Variants in SCN11A observed in about 807,000 individuals in gnomAD.
SCN11A encodes the protein sodium voltage-gated channel alpha subunit 11.
Under a neutral mutation model 162.2 loss-of-function variants are expected in SCN11A, and 122 were observed. The observed-to-expected ratio is 0.75, with a 90% confidence interval of 0.65 to 0.87. SCN11A has a LOEUF of 0.87. Among genes scored for constraint, SCN11A ranks in the 40% least tolerant of loss-of-function variants. The pLI is 0.00. For missense variants in SCN11A, 2,015 were observed against 2,181.6 expected, an observed-to-expected ratio of 0.92 and a Z score of 1.52; for synonymous variants, 758 against 751.5, an observed-to-expected ratio of 1.01 and a Z score of -0.14.
chr3:38,977,899 C>T (rs912824902), intron 2 of SCN11A, among the ~76,000 whole-genome samples: 1 of 152,202 alleles, frequency 6.6e-6, no homozygotes, highest in Non-Finnish European at 1.5e-5. Context: ...CATCATCTCT[C>T]ACCAGGAATA....
chr3:39,007,268 AT>A (rs1055719115), intron 2 of SCN11A, among the ~76,000 whole-genome samples: 56 of 152,304 alleles, frequency 3.7e-4, no homozygotes, highest in African/African-American at 1.3e-3. Context: ...AGAAATGTCC[AT>A]TTTATCTTCA....
chr3:38,924,378 A>T (rs922020401), intron 9 of SCN11A, among the ~76,000 whole-genome samples: 4 of 145,488 alleles, frequency 2.7e-5, no homozygotes, highest in Non-Finnish European at 4.6e-5. Flanking sequence ...CATCTAACTA[A>T]TTTTTTTTTT....
chr3:39,017,507 T>C (rs2031326347), intron 2 of SCN11A, among the ~76,000 whole-genome samples: 1 of 152,166 alleles, frequency 6.6e-6, no homozygotes, highest in Non-Finnish European at 1.5e-5. Flanking sequence ...TAGAGTTGTT[T>C]TCTTTATGTT....
intron 28 of SCN11A, among the ~76,000 whole-genome samples, chr3:38,852,795 A>G (rs566935966): frequency 6.6e-6 from 1 of 152,368 alleles, no homozygotes; most frequent in African/African-American, 2.4e-5. Flanking sequence ...TCAATGGCTA[A>G]CTGTTGATTT....
Position 38,889,748 on chromosome 3 carries a change from G to A in SCN11A, c.2836-3510C>T, listed in dbSNP as rs770869674. Among the ~76,000 whole-genome samples, 21 of 148,782 alleles carry A rather than the reference G, an allele frequency of 1.4e-4. 1 individual carries two copies. The highest frequency in any genetic ancestry group is 2.5e-4 in the Non-Finnish European group (17 of 67,334). On this transcript the variant is annotated intron_variant, in intron 19 of 29. Coordinates refer to ENST00000302328, the MANE Select transcript of SCN11A (RefSeq NM_001349253.2). ...CCGGGAGCCAGAGCTTGCAGTGAGC[G>A]GAGATCATGCCACTGCACTCCAGCC...
chr3:38,872,416 T>C (rs1575228618), intron 23 of SCN11A, 122 bp from the exon 24 acceptor site: 2 of 619,626 alleles, frequency 3.2e-6, no homozygotes, highest in East Asian at 5.6e-5. Flanking sequence ...TCACGTTATT[T>C]GTTTAGTGAA....
Position 39,024,702 on chromosome 3 carries a change from T to C in SCN11A, c.-280+7678A>G, listed in dbSNP as rs1382136576. On this transcript the variant is annotated intron_variant, in intron 2 of 29. Coordinates refer to ENST00000302328, the MANE Select transcript of SCN11A (RefSeq NM_001349253.2). ...CTTGTTTGACTGTAAGTCATAAGAC[T>C]CCCATTTCAGAAAGGGTCCTGCCCC... is the stretch of plus-strand genomic sequence containing the variant. 2.0e-5 allele frequency among the ~76,000 whole-genome samples: 3 copies of C among 152,288 alleles called. No homozygotes were observed. The South Asian group carries it at 6.2e-4, about 32-fold the overall frequency.
rs1553644473 is a variant in SCN11A at position 38,950,078 on chromosome 3, C to CGCCG, written c.267+17_267+18insCGGC. On this transcript the variant is annotated intron_variant, in intron 5 of 29. Coordinates refer to ENST00000302328, the MANE Select transcript of SCN11A (RefSeq NM_001349253.2). ...GAACACCCCCACCCCCACCCCCCCC[C>CGCCG]CCCGCCCAATGAAGTACCTTATGAT... 1.4e-5 allele frequency: 2 copies of CGCCG among 140,070 alleles called. No homozygotes were observed. The highest frequency in any genetic ancestry group is 2.2e-4 in the East Asian group (1 of 4,608). 8.7% of individuals were successfully genotyped at this position (140,070 alleles called of 1,614,324 possible). A position where few individuals can be genotyped will look rare whatever the true frequency, so the allele number is the denominator to read the frequency against.
chr3:38,893,494 T>A (rs1056831061), intron 19 of SCN11A, among the ~76,000 whole-genome samples: 2 of 152,150 alleles, frequency 1.3e-5, no homozygotes, highest in Non-Finnish European at 2.9e-5. Context: ...ATGGAAGATT[T>A]GAACAAAACT....
chr3:38,924,190 G>C (rs149092037), intron 9 of SCN11A, among the ~76,000 whole-genome samples: 1 of 150,630 alleles, frequency 6.6e-6, no homozygotes, highest in Admixed American at 6.6e-5. Context: ...AGAGTGAAGC[G>C]CATATCCTCC....
chr3:38,999,759 G>A (rs1008271905), intron 2 of SCN11A, among the ~76,000 whole-genome samples: 11 of 152,206 alleles, frequency 7.2e-5, no homozygotes, highest in Non-Finnish European at 1.6e-4. Context: ...TGTGAGTGGA[G>A]ACTAGCTTTA....
rs765170928 is a variant in SCN11A, at chr3:38,921,114, G to A, written c.854C>T (p.Ser285Leu). 1.1e-5 allele frequency: 18 copies of A among 1,614,050 alleles called. No homozygotes were observed. The highest frequency in any genetic ancestry group is 6.7e-5 in the Admixed American group (4 of 60,020). Residue 285 changes from serine (S) to leucine (L), a missense_variant, in exon 10 of 30, where the codon TCG becomes TTG. Transcript: ENST00000302328. The stretch of plus-strand genomic sequence containing the variant: ...GTTACTGATATTTTTACAGTCCCTC[G>A]AGATGCATTTCAGGTTCAGACTTCC... ...FMGSLNLKCI[S>L]RDCKNISNPE... is the part of the protein sequence containing the mutation.
At chr3:38,969,175 A>G (rs1458118593) in intron 2 of SCN11A, among the ~76,000 whole-genome samples, 2 of 152,246 alleles carry the variant, frequency 1.3e-5, no homozygotes, top group African/African-American at 2.4e-5. Flanking sequence ...GACTGAGGCT[A>G]GGATAGGTGG....
At chr3:38,967,374 C>T (rs1485210740) in intron 2 of SCN11A, among the ~76,000 whole-genome samples, 3 of 152,190 alleles carry the variant, frequency 2.0e-5, no homozygotes, top group Non-Finnish European at 4.4e-5. Context: ...AGCTAGTTGC[C>T]ATGCTGTGAG....
intron 7 of SCN11A, among the ~76,000 whole-genome samples, chr3:38,934,769 A>T (rs1046630629): frequency 1.3e-5 from 2 of 152,008 alleles, no homozygotes; most frequent in Non-Finnish European, 2.9e-5. Context: ...ACTCCCACAC[A>T]ATAATAATGG....
chr3:38,955,306 T>C (rs2066668436), intron 3 of SCN11A, among the ~76,000 whole-genome samples: 1 of 151,968 alleles, frequency 6.6e-6, no homozygotes, highest in Non-Finnish European at 1.5e-5. Flanking sequence ...GAAAGTAATA[T>C]TGAAAACTGC....
At chr3:39,027,651 C>G (rs541135727) in intron 2 of SCN11A, among the ~76,000 whole-genome samples, 1 of 152,326 alleles carries the variant, frequency 6.6e-6, no homozygotes, top group South Asian at 2.1e-4. Context: ...ACAAACCCGA[C>G]TGGGGAGGCT....
At chr3:38,893,855 T>A (rs2065540903) in intron 19 of SCN11A, among the ~76,000 whole-genome samples, 1 of 152,038 alleles carries the variant, frequency 6.6e-6, no homozygotes. Flanking sequence ...TAAAATGTAT[T>A]TGATATAGCT....
chr3:39,012,826 T>C (rs562973577), intron 2 of SCN11A, among the ~76,000 whole-genome samples: 9 of 152,212 alleles, frequency 5.9e-5, no homozygotes, highest in Non-Finnish European at 1.0e-4. Flanking sequence ...TTTGAGCTCC[T>C]TTCCAATAAC....
Sources: allele counts gnomAD v4.1 joint callset (sites outside exome capture counted in the v4.1 genomes callset), GRCh38; gene constraint gnomAD v4.1.1; transcripts MANE v1.5; gene names NCBI Gene and HGNC (gene_info 2026-07-23, HGNC 2026-07-21).